The following CCPG1 variants were observed in gnomAD, a reference collection of about 807,000 sequenced individuals.
CCPG1 encodes the protein cell cycle progression 1, also known as cell cycle progression protein 1.
Under a neutral mutation model 81.3 loss-of-function variants are expected in CCPG1, and 46 were observed. The ratio of observed to expected loss-of-function variants is 0.57; its 90% CI spans 0.45 to 0.72. CCPG1 has a LOEUF of 0.72. CCPG1 is among the 30% of genes least tolerant of loss of function. The probability of loss-of-function intolerance (pLI) is 0.00; values close to 1 mark genes in which losing one functional copy is unlikely to be tolerated. For missense variants in CCPG1, 902 were observed against 937.6 expected (o/e 0.96, Z 0.50); for synonymous variants, 330 against 305.2 (o/e 1.08, Z -0.85).
At chr15:55,387,621 C>T (rs986286219) in intron 2 of CCPG1, among the ~76,000 whole-genome samples, 3 of 151,520 alleles carry the variant, frequency 2.0e-5, no homozygotes, top group Non-Finnish European at 2.9e-5. Flanking sequence ...CTCTGCTCAC[C>T]GCAACCTCCG....
intron 2 of CCPG1, among the ~76,000 whole-genome samples, chr15:55,389,068 C>CAAAAAAAAAAAAAAAAAAAAAAAAAA: frequency 1.8e-5 from 1 of 56,268 alleles, no homozygotes; most frequent in Non-Finnish European, 3.3e-5. Flanking sequence ...GACTCTGTCT[C>CAAAAAAAAAAAAAAAAAAAAAAAAAA]AAAAAAAAAA....
intron 7 of CCPG1, among the ~76,000 whole-genome samples, chr15:55,363,517 C>T (rs1459609184): frequency 6.6e-6 from 1 of 150,488 alleles, no homozygotes; most frequent in Non-Finnish European, 1.5e-5. Context: ...GTAGGAAAAA[C>T]TGAACTATTT....
At chr15:55,371,719 C>A in intron 6 of CCPG1, 74 bp downstream of exon 6, 4 of 1,439,464 alleles carry the variant, frequency 2.8e-6, no homozygotes, top group Non-Finnish European at 3.8e-6. Flanking sequence ...GAAAACAGAT[C>A]CCAAGAGTCC....
rs981565659 is a variant in CCPG1, at chr15:55,397,459, G to C, written c.-9-8026C>G. On this transcript the variant is annotated intron_variant, in intron 1 of 8. Transcript: ENST00000442196. ...AGAAGTTCATTTGCATGGCTACTAT[G>C]ATAATCCAGGTGAGACATGATGGTG... Among the ~76,000 whole-genome samples the C allele has an allele frequency of 3.3e-5, 5 of 152,174 alleles. No homozygotes were observed. In the South Asian group the frequency reaches 1.0e-3, roughly 32 times the overall value.
intron 3 of CCPG1, among the ~76,000 whole-genome samples, chr15:55,379,955 C>T (rs2056646429): frequency 6.6e-6 from 1 of 151,468 alleles, no homozygotes; most frequent in Non-Finnish European, 1.5e-5. Context: ...AAAAAATTAG[C>T]CAGGTGTGGT....
intron 1 of CCPG1, among the ~76,000 whole-genome samples, chr15:55,393,239 A>T (rs2056956804): frequency 2.0e-5 from 3 of 152,206 alleles, no homozygotes; most frequent in Admixed American, 2.0e-4. Flanking sequence ...GTTCAAGACC[A>T]GGCTGGGCAA....
At position 55,393,737 on chromosome 15, in the gene CCPG1, AACATTAGGCCGATTC is replaced by A. The variant is rs551408442; in HGVS notation, c.-9-4319_-9-4305del. On this transcript the variant is annotated intron_variant, in intron 1 of 8. Coordinates refer to ENST00000442196, the MANE Select transcript of CCPG1 (RefSeq NM_001204450.2). ...GGGAAAATAGGGTCTGGAGGCAGGGAACATTAGGCCGATTCACACTTCAGCTATGACAGGAAATAT... is the reference window on the plus strand; with the variant it reads ...GGGAAAATAGGGTCTGGAGGCAGGGAACACTTCAGCTATGACAGGAAATAT... Among the ~76,000 whole-genome samples the A allele has an allele frequency of 4.3e-3, 657 of 152,170 alleles. 7 individuals are homozygous for A. Among genetic ancestry groups the A allele is most frequent in the African/African-American group, 0.015 (610 of 41,520 alleles).
chr15:55,355,387 T>C lies in CCPG1; in HGVS notation c.*833A>G, dbSNP rs775040015. On this transcript the variant is annotated 3_prime_UTR_variant, in exon 9 of 9. Coordinates refer to ENST00000442196, the MANE Select transcript of CCPG1 (RefSeq NM_001204450.2). ...GAATTGGAAGTCACATATATGTCTA[T>C]GAACGGAAGTTAAAAGGGAAATTCA... The C allele has an allele frequency of 3.1e-6, 5 of 1,610,888 alleles. No individual in the cohort carries two copies. Among genetic ancestry groups the C allele is most frequent in the Non-Finnish European group, 4.2e-6 (5 of 1,178,280 alleles).
At chr15:55,392,652 C>G (rs2056944236) in intron 1 of CCPG1, among the ~76,000 whole-genome samples, 2 of 152,112 alleles carry the variant, frequency 1.3e-5, no homozygotes, top group African/African-American at 2.4e-5. Context: ...TCCTGAGTAG[C>G]TGGAACTACA....
intron 1 of CCPG1, among the ~76,000 whole-genome samples, chr15:55,403,533 C>T (rs1200550811): frequency 1.3e-5 from 2 of 152,028 alleles, no homozygotes; most frequent in Admixed American, 1.3e-4. Flanking sequence ...CATTAAATAC[C>T]CTTTGGGGGA....
intron 1 of CCPG1, among the ~76,000 whole-genome samples, chr15:55,397,098 C>T (rs1382747472): frequency 3.3e-5 from 5 of 152,072 alleles, no homozygotes; most frequent in Non-Finnish European, 7.4e-5. Flanking sequence ...CCTGTAGTTC[C>T]AGCTACTTCG....
Position 55,355,631 on chromosome 15 carries a change from G to A in CCPG1, c.*589C>T, listed in dbSNP as rs982270650. 1.2e-5 allele frequency: 5 copies of A among 400,254 alleles called. No individual in the cohort carries two copies. Among genetic ancestry groups the A allele is most frequent in the African/African-American group, 1.0e-4 (5 of 48,222 alleles). The allele number at this position is 400,254 out of a possible 1,614,324, so 24.8% of individuals were successfully genotyped here. Reference sequence around the variant, plus strand: ...AATACAATGCCAGATTTTAAATAAAGACCTTTAGTTTTCCTCATGGTGTAG... The same window carrying A: ...AATACAATGCCAGATTTTAAATAAAAACCTTTAGTTTTCCTCATGGTGTAG... On this transcript the variant is annotated 3_prime_UTR_variant, in exon 9 of 9. Coordinates refer to ENST00000442196, the MANE Select transcript of CCPG1 (RefSeq NM_001204450.2).
intron 8 of CCPG1, chr15:55,358,279 A>C (rs2056122654): frequency 1.6e-6 from 1 of 640,754 alleles, no homozygotes; most frequent in Non-Finnish European, 1.9e-6. Flanking sequence ...ATTCATGCAT[A>C]GTATATATAG....
chr15:55,368,780 C>T (rs770674250), intron 6 of CCPG1, among the ~76,000 whole-genome samples: 35 of 152,280 alleles, frequency 2.3e-4, no homozygotes, highest in Non-Finnish European at 3.8e-4. Context: ...GGCTGGCAAA[C>T]GCAGAATGAT....
intron 4 of CCPG1, among the ~76,000 whole-genome samples, 188 bp from the exon 5 acceptor site, chr15:55,377,338 T>C (rs1216642434): frequency 6.6e-6 from 1 of 152,186 alleles, no homozygotes; most frequent in East Asian, 1.9e-4. Flanking sequence ...TCAGATCCCT[T>C]GACAACTCTC....
In CCPG1 at chr15:55,365,284, T is replaced by A; in HGVS notation, c.732A>T (p.Gln244His). ...FYGTIQIQKR[Q>H]QLVRKIHEDE... ...CTTCATGTATCTTTCTGACTAACTG[T>A]TGACGCTTCTGAATCTGAATTGTGC... is the stretch of plus-strand genomic sequence containing the variant. Residue 244 changes from glutamine to histidine, a missense_variant, in exon 7 of 9, where the codon CAA (glutamine) becomes CAT (histidine). Around this residue, in one of 3 missense-constraint regions of CCPG1, gnomAD observed 746 missense variants for 728.6 expected, o/e 1.02. Coordinates refer to ENST00000442196, the MANE Select transcript of CCPG1 (RefSeq NM_001204450.2). 6.5e-7 allele frequency: 1 copy of A among 1,542,734 alleles called. No individual in the cohort carries two copies. The highest frequency in any genetic ancestry group is 1.2e-5 in the South Asian group (1 of 84,848).
At chr15:55,392,573 G>A (rs2056942949) in intron 1 of CCPG1, among the ~76,000 whole-genome samples, 1 of 151,040 alleles carries the variant, frequency 6.6e-6, no homozygotes, top group African/African-American at 2.4e-5. Context: ...CAGGCTGGAG[G>A]GCAGTGACAT....
chr15:55,372,145 C>A, intron 5 of CCPG1, 101 bp from the exon 6 acceptor site: 1 of 1,150,874 alleles, frequency 8.7e-7, no homozygotes, highest in East Asian at 2.5e-5. Flanking sequence ...ACATGCCTTT[C>A]TACATAAGAT....
intron 3 of CCPG1, among the ~76,000 whole-genome samples, chr15:55,381,997 A>C (rs2056707775): frequency 6.6e-6 from 1 of 152,242 alleles, no homozygotes; most frequent in Admixed American, 6.5e-5. Flanking sequence ...CATGTCTAAA[A>C]AACTGTACAT....
Sources: allele counts gnomAD v4.1 joint callset (sites outside exome capture counted in the v4.1 genomes callset), GRCh38; gene constraint gnomAD v4.1.1; regional missense constraint gnomAD v4.1.1; transcripts MANE v1.5; gene names NCBI Gene and HGNC (gene_info 2026-07-23, HGNC 2026-07-21).